The following PCDHGA2 variants were observed in gnomAD, a reference collection of about 807,000 sequenced individuals.
The protein encoded by PCDHGA2 is protocadherin gamma-A2.
A neutral mutation model predicts 59.2 loss-of-function variants in PCDHGA2; 40 were observed. The ratio of observed to expected loss-of-function variants is 0.68; its 90% CI spans 0.52 to 0.88. The LOEUF (loss-of-function observed/expected upper bound fraction) is 0.88. Among genes scored for constraint, PCDHGA2 ranks in the 40% least tolerant of loss-of-function variants. The pLI is 0.00. For synonymous variants in PCDHGA2, 560 were observed against 526.0 expected (o/e 1.06, Z -0.89); for missense variants, 1,226 against 1,204.0 (o/e 1.02, Z -0.27).
In PCDHGA2 at chr5:141,490,442, A is replaced by T. The variant is rs757900187; in HGVS notation, c.2425-4365A>T. On this transcript the variant is annotated intron_variant, in intron 1 of 3. Transcript: ENST00000394576. The surrounding 1 kb of genome is among the most constrained non-coding windows in gnomAD (Gnocchi z 5.4). ...CTGCCATTTCAGATTAAGCCTTCTG[A>T]GAACCACTACTCGCTGCTAACCAGC... 16 of 1,614,092 alleles carry T rather than the reference A, an allele frequency of 9.9e-6. No individual in the cohort carries two copies. Among genetic ancestry groups the T allele is most frequent in the Non-Finnish European group, 1.2e-5 (14 of 1,180,044 alleles).
At chr5:141,371,657 G>A in intron 1 of PCDHGA2, 1 of 1,613,988 alleles carries the variant, frequency 6.2e-7, no homozygotes, top group Non-Finnish European at 8.5e-7. Context: ...ACAATGTGAC[G>A]ATCACAGCTA....
chr5:141,409,213 C>T (rs1379007048), intron 1 of PCDHGA2: 1 of 1,613,994 alleles, frequency 6.2e-7, no homozygotes, highest in Admixed American at 1.7e-5. Context: ...TCATAGAAAT[C>T]CTTGATGAAA....
At chr5:141,354,444 T>C (rs1759543565) in intron 1 of PCDHGA2, among the ~76,000 whole-genome samples, 1 of 152,238 alleles carries the variant, frequency 6.6e-6, no homozygotes, top group Non-Finnish European at 1.5e-5. Context: ...AAACCTATTA[T>C]CCTATTTGTC....
chr5:141,422,414 A>G (rs2096646645), intron 1 of PCDHGA2: 1 of 1,604,894 alleles, frequency 6.2e-7, no homozygotes, highest in Admixed American at 1.7e-5. Context: ...TTTAAATTAG[A>G]AAAGACTTAT....
chr5:141,383,853 G>A (rs942698942), intron 1 of PCDHGA2: 7 of 1,613,828 alleles, frequency 4.3e-6, no homozygotes, highest in African/African-American at 2.7e-5. Flanking sequence ...ATGAAATGGA[G>A]GTTCAGGCTC....
At chr5:141,428,064 G>C in intron 1 of PCDHGA2, 1 of 1,609,060 alleles carries the variant, frequency 6.2e-7, no homozygotes, top group East Asian at 2.2e-5. Flanking sequence ...GGCGGTGGAC[G>C]CAGATTCGGG....
chr5:141,487,616 G>T lies in PCDHGA2; in HGVS notation c.2425-7191G>T. The T allele has an allele frequency of 1.2e-6, 2 of 1,614,220 alleles. No homozygotes were observed. The highest frequency in any genetic ancestry group is 1.7e-6 in the Non-Finnish European group (2 of 1,180,044). ...CTCTGATCTTCTCTATGGGCTAGAGGTGAGACCTTTGCAGGCTCAACAAAT... is the reference window on the plus strand; with the variant it reads ...CTCTGATCTTCTCTATGGGCTAGAGTTGAGACCTTTGCAGGCTCAACAAAT... On this transcript the variant is annotated intron_variant, in intron 1 of 3. Coordinates refer to ENST00000394576, the MANE Select transcript of PCDHGA2 (RefSeq NM_018915.4). This position sits in a 1 kb window ranked among gnomAD's most constrained non-coding sequence, Gnocchi z 5.0.
chr5:141,444,965 A>C (rs561160996), intron 1 of PCDHGA2, among the ~76,000 whole-genome samples: 18 of 152,234 alleles, frequency 1.2e-4, no homozygotes, highest in South Asian at 6.2e-4. Context: ...CAATATTGAC[A>C]CTTCAAATCC....
chr5:141,490,065 C>A lies in PCDHGA2; in HGVS notation c.2425-4742C>A, dbSNP rs1161257597. ...CTGATCCAGACGAGGGCACCAACGG[C>A]CAACTAGACTATTCTTTTGGAGACC... On this transcript the variant is annotated intron_variant, in intron 1 of 3. Coordinates refer to ENST00000394576, the MANE Select transcript of PCDHGA2 (RefSeq NM_018915.4). This position sits in a 1 kb window ranked among gnomAD's most constrained non-coding sequence, Gnocchi z 5.4. 1 of 1,614,258 alleles carries A rather than the reference C, an allele frequency of 6.2e-7. No individual in the cohort carries two copies. Among genetic ancestry groups the A allele is most frequent in the South Asian group, 1.1e-5 (1 of 91,090 alleles).
intron 1 of PCDHGA2, chr5:141,403,381 C>T (rs1022563452): frequency 4.3e-6 from 7 of 1,614,038 alleles, no homozygotes; most frequent in Non-Finnish European, 8.5e-7. Context: ...TAAAAATTAA[C>T]GAAATCGCGG....
intron 1 of PCDHGA2, among the ~76,000 whole-genome samples, chr5:141,469,914 C>T (rs1451982311): frequency 6.6e-6 from 1 of 152,082 alleles, no homozygotes. Flanking sequence ...GCAGACCACC[C>T]GAGGTCAGGA....
chr5:141,383,838 C>T, intron 1 of PCDHGA2: 1 of 1,613,892 alleles, frequency 6.2e-7, no homozygotes, highest in East Asian at 2.2e-5. Flanking sequence ...AAGAAACTGC[C>T]TTCTATGAAA....
chr5:141,351,105 C>A (rs1212938457), intron 1 of PCDHGA2: 2 of 1,614,062 alleles, frequency 1.2e-6, no homozygotes, highest in East Asian at 4.5e-5. Context: ...CTCAATTCCC[C>A]AATAAGTACC....
At chr5:141,404,089 T>A in intron 1 of PCDHGA2, 2 of 1,613,496 alleles carry the variant, frequency 1.2e-6, no homozygotes, top group Non-Finnish European at 1.7e-6. Flanking sequence ...CCGGGAAGAA[T>A]GGTCAAGTTG....
intron 1 of PCDHGA2, among the ~76,000 whole-genome samples, chr5:141,368,720 T>C (rs1443376319): frequency 6.6e-6 from 1 of 152,220 alleles, no homozygotes; most frequent in African/African-American, 2.4e-5. Flanking sequence ...ATTTTGAATG[T>C]ATGTACTGTA....
intron 1 of PCDHGA2, among the ~76,000 whole-genome samples, chr5:141,460,183 CCA>C (rs561755067): frequency 7.2e-5 from 11 of 151,782 alleles, no homozygotes; most frequent in Non-Finnish European, 1.0e-4. Context: ...ATATTTTATC[CCA>C]GACTATGACT....
intron 1 of PCDHGA2, among the ~76,000 whole-genome samples, chr5:141,467,951 A>G (rs2099155044): frequency 6.6e-6 from 1 of 151,944 alleles, no homozygotes; most frequent in East Asian, 1.9e-4. Context: ...GAGCCACCAC[A>G]CCCGGCTGCC....
At chr5:141,395,374 T>A in intron 1 of PCDHGA2, 1 of 1,187,898 alleles carries the variant, frequency 8.4e-7, no homozygotes. Context: ...ATTTTGGTGG[T>A]GTTACTATAA....
intron 1 of PCDHGA2, chr5:141,389,767 G>T: frequency 1.2e-6 from 2 of 1,613,028 alleles, no homozygotes; most frequent in Non-Finnish European, 1.7e-6. Context: ...CGCACAGCGC[G>T]TGCCTTAGGC....
Sources: gnomAD v4.1 joint callset for allele counts (sites outside exome capture counted in the v4.1 genomes callset) on GRCh38, gnomAD v4.1.1 for gene constraint, Gnocchi (gnomAD v3.1) non-coding constraint, MANE v1.5 for transcripts, NCBI Gene and HGNC (gene_info 2026-07-23, HGNC 2026-07-21) for gene names.